SLC35F1: variants seen among roughly 807,000 people sequenced by gnomAD.
The protein encoded by SLC35F1 is solute carrier family 35 member F1, also known as chromosome 6 open reading frame 169.
Under a neutral mutation model 48.7 loss-of-function variants are expected in SLC35F1, and 14 were observed. The observed-to-expected ratio is 0.29, with a 90% CI of 0.19 to 0.45. SLC35F1 has a LOEUF of 0.45. Among genes scored for constraint, SLC35F1 ranks in the 20% least tolerant of loss-of-function variants. The pLI is 1.00. For missense variants in SLC35F1, 404 were observed against 500.0 expected, an observed-to-expected ratio of 0.81 and a Z score of 1.83; for synonymous variants, 190 against 202.2, an observed-to-expected ratio of 0.94 and a Z score of 0.51.
rs531150913 is a variant in SLC35F1 at position 118,233,663 on chromosome 6, G to A, written c.350-1846G>A. Among the ~76,000 whole-genome samples, 238 of 145,104 alleles carry A rather than the reference G, an allele frequency of 1.6e-3. 1 individual carries two copies. The highest frequency in any genetic ancestry group is 2.4e-3 in the Non-Finnish European group (165 of 68,000). On this transcript the variant is annotated intron_variant, in intron 2 of 7. Transcript: ENST00000360388. Reference sequence around the variant, plus strand: ...ACATTAACTCTACCTTTGGATAAAAGCACCCAGTCTAGTGAAGAGTCAGTA... The same window carrying A: ...ACATTAACTCTACCTTTGGATAAAAACACCCAGTCTAGTGAAGAGTCAGTA...
At chr6:118,208,857 T>C (rs1774969219) in intron 2 of SLC35F1, among the ~76,000 whole-genome samples, 1 of 152,168 alleles carries the variant, frequency 6.6e-6, no homozygotes, top group South Asian at 2.1e-4. Flanking sequence ...CTCTCTGACC[T>C]TCTCCTGCCC....
At chr6:117,936,753 A>G (rs905458308) in intron 1 of SLC35F1, among the ~76,000 whole-genome samples, 1 of 152,208 alleles carries the variant, frequency 6.6e-6, no homozygotes, top group African/African-American at 2.4e-5. Flanking sequence ...GTTCTTTTAA[A>G]AAAAAACTTT....
intron 1 of SLC35F1, among the ~76,000 whole-genome samples, chr6:118,105,090 G>T (rs1425523236): frequency 6.6e-6 from 1 of 152,144 alleles, no homozygotes; most frequent in Non-Finnish European, 1.5e-5. Context: ...TGCATCTGTG[G>T]TTCCTCAGAG....
intron 1 of SLC35F1, among the ~76,000 whole-genome samples, chr6:117,983,301 A>G (rs118069522): frequency 0.021 from 3,125 of 152,118 alleles, 34 homozygotes; most frequent in East Asian, 0.032. Flanking sequence ...TGGAGGAAGC[A>G]TTTGGTGGCT....
intron 1 of SLC35F1, among the ~76,000 whole-genome samples, chr6:117,965,831 C>T (rs923451498): frequency 2.6e-5 from 4 of 152,160 alleles, no homozygotes; most frequent in African/African-American, 9.7e-5. Flanking sequence ...CACCAATCAG[C>T]ACTCTGTGTC....
At chr6:117,922,664 AG>A (rs1287282757) in intron 1 of SLC35F1, among the ~76,000 whole-genome samples, 1 of 152,210 alleles carries the variant, frequency 6.6e-6, no homozygotes, top group Admixed American at 6.5e-5. Context: ...CATTACTTGA[AG>A]GCATCTTTAG....
At chr6:118,163,152 C>T (rs749473377) in intron 2 of SLC35F1, among the ~76,000 whole-genome samples, 10 of 151,662 alleles carry the variant, frequency 6.6e-5, no homozygotes, top group East Asian at 1.9e-4. Context: ...TTAGTGGAGA[C>T]GGGGTTTCAC....
chr6:118,161,131 AT>A (rs1774225363), intron 2 of SLC35F1, among the ~76,000 whole-genome samples: 9 of 152,154 alleles, frequency 5.9e-5, no homozygotes, highest in African/African-American at 2.2e-4. Flanking sequence ...GGCCTATCAG[AT>A]AGCCACAACA....
intron 1 of SLC35F1, among the ~76,000 whole-genome samples, chr6:117,952,307 A>G (rs986030730): frequency 2.0e-5 from 3 of 152,118 alleles, no homozygotes; most frequent in African/African-American, 7.2e-5. Flanking sequence ...AGAATGTTCA[A>G]TCAATTTTTC....
chr6:118,227,243 A>T (rs770813455), intron 2 of SLC35F1, among the ~76,000 whole-genome samples: 14 of 152,234 alleles, frequency 9.2e-5, no homozygotes, highest in Non-Finnish European at 1.5e-4. Flanking sequence ...GCAAATCAAA[A>T]GGCAGGAACT....
intron 3 of SLC35F1, among the ~76,000 whole-genome samples, chr6:118,243,328 C>T (rs548587219): frequency 4.6e-5 from 7 of 152,156 alleles, no homozygotes; most frequent in East Asian, 1.9e-4. Context: ...TAAGAAATGC[C>T]CTAGACAAGG....
chr6:118,061,586 G>GTATATATATATA (rs780630752), intron 1 of SLC35F1, among the ~76,000 whole-genome samples: 2,888 of 145,144 alleles, frequency 0.02, 41 homozygotes, highest in African/African-American at 0.029. Flanking sequence ...GTGTGTGTGT[G>GTATATATATATA]TGTGTATATA....
intron 2 of SLC35F1, among the ~76,000 whole-genome samples, chr6:118,202,443 G>A (rs1385611556): frequency 1.3e-5 from 2 of 152,168 alleles, no homozygotes; most frequent in African/African-American, 4.8e-5. Context: ...GCTGCAGTGA[G>A]CTATGTTTGC....
At chr6:118,110,706 C>G (rs1160503757) in intron 1 of SLC35F1, among the ~76,000 whole-genome samples, 1 of 152,054 alleles carries the variant, frequency 6.6e-6, no homozygotes, top group Non-Finnish European at 1.5e-5. Context: ...CTAGACATTC[C>G]TTAGATAGGA....
chr6:118,114,027 C>A (rs1005627317), intron 1 of SLC35F1, among the ~76,000 whole-genome samples: 2 of 152,122 alleles, frequency 1.3e-5, no homozygotes, highest in African/African-American at 4.8e-5. Context: ...AAAATACTAC[C>A]TCTAGCTAAC....
chr6:118,313,120 C>CTGAT (rs1160148283), intron 7 of SLC35F1, among the ~76,000 whole-genome samples: 25 of 151,976 alleles, frequency 1.6e-4, no homozygotes, highest in Non-Finnish European at 7.4e-5. Flanking sequence ...AGTTCAATGT[C>CTGAT]TGATATAGAG....
At chr6:117,995,666 G>A (rs967269300) in intron 1 of SLC35F1, among the ~76,000 whole-genome samples, 16 of 151,972 alleles carry the variant, frequency 1.1e-4, no homozygotes, top group South Asian at 6.2e-4. Context: ...GCTTGAACCC[G>A]GGAGCTGGAA....
At chr6:117,908,444 A>G (rs1385533928) in intron 1 of SLC35F1, among the ~76,000 whole-genome samples, 1 of 152,242 alleles carries the variant, frequency 6.6e-6, no homozygotes, top group Admixed American at 6.5e-5. Flanking sequence ...CTGACGCTCC[A>G]GTCGCCTCTC....
At chr6:118,158,558 T>C (rs1205368547) in intron 2 of SLC35F1, among the ~76,000 whole-genome samples, 1 of 152,242 alleles carries the variant, frequency 6.6e-6, no homozygotes, top group Non-Finnish European at 1.5e-5. Context: ...GTTTTAATCA[T>C]GTATCTTCTA....
Sources: gnomAD v4.1 joint callset for allele counts (sites outside exome capture counted in the v4.1 genomes callset) on GRCh38, gnomAD v4.1.1 for gene constraint, MANE v1.5 for transcripts, NCBI Gene and HGNC (gene_info 2026-07-23, HGNC 2026-07-21) for gene names.